Variants in LRRC4C observed in about 807,000 individuals in gnomAD.
LRRC4C encodes the protein leucine rich repeat containing 4C, also known as leucine-rich repeat-containing protein 4C.
LRRC4C carries 5 observed loss-of-function variants against 33.6 expected under a neutral mutation model. That is an observed-to-expected ratio of 0.15 (90% confidence interval 0.08 to 0.31). The LOEUF (loss-of-function observed/expected upper bound fraction) is 0.31. Ranked by LOEUF, LRRC4C falls within the 10% of genes least tolerant of loss-of-function variation. LRRC4C has a pLI of 1.00. For synonymous variants in LRRC4C, 329 were observed against 302.0 expected, an observed-to-expected ratio of 1.09 and a Z score of -0.93; for missense variants, 560 against 796.7, an observed-to-expected ratio of 0.70 and a Z score of 3.58.
chr11:40,619,023 A>C (rs1962166278), intron 3 of LRRC4C, among the ~76,000 whole-genome samples: 2 of 151,778 alleles, frequency 1.3e-5, no homozygotes, highest in Admixed American at 1.3e-4. Flanking sequence ...TTAAGACTTT[A>C]GAGAAATAAA....
intron 3 of LRRC4C, among the ~76,000 whole-genome samples, chr11:40,361,463 T>G (rs1477662028): frequency 3.3e-5 from 5 of 152,154 alleles, no homozygotes; most frequent in African/African-American, 1.2e-4. Context: ...CATTCACAAC[T>G]GCCACAAAAA....
intron 5 of LRRC4C, among the ~76,000 whole-genome samples, chr11:40,173,556 T>G (rs1295034778): frequency 6.6e-6 from 1 of 152,190 alleles, no homozygotes; most frequent in Admixed American, 6.5e-5. Flanking sequence ...CTTGTACTTG[T>G]CTATGCATCC....
intron 2 of LRRC4C, among the ~76,000 whole-genome samples, chr11:40,763,107 T>TATA (rs1949301712): frequency 5.5e-5 from 2 of 36,434 alleles, no homozygotes; most frequent in East Asian, 4.6e-4. Flanking sequence ...ATATATATAT[T>TATA]TATGTATGTG....
At chr11:41,001,397 TC>T (rs1854365296) in intron 1 of LRRC4C, among the ~76,000 whole-genome samples, 1 of 152,176 alleles carries the variant, frequency 6.6e-6, no homozygotes, top group African/African-American at 2.4e-5. Context: ...TGTTCTCTCT[TC>T]TTTCAGTCTA....
chr11:40,494,747 T>C (rs1954341732), intron 3 of LRRC4C, among the ~76,000 whole-genome samples: 1 of 152,196 alleles, frequency 6.6e-6, no homozygotes, highest in Non-Finnish European at 1.5e-5. Context: ...CCTGCTACTT[T>C]TACAATAGTG....
At chr11:41,346,758 A>G (rs946167886) in intron 1 of LRRC4C, among the ~76,000 whole-genome samples, 1 of 152,242 alleles carries the variant, frequency 6.6e-6, no homozygotes, top group East Asian at 1.9e-4. Context: ...TGTTTAACAT[A>G]GCATTCCAAA....
chr11:40,511,182 T>C (rs190007866), intron 3 of LRRC4C, among the ~76,000 whole-genome samples: 2 of 152,284 alleles, frequency 1.3e-5, no homozygotes, highest in Admixed American at 1.3e-4. Context: ...GAATTATAAT[T>C]TGATACACAG....
intron 2 of LRRC4C, among the ~76,000 whole-genome samples, chr11:40,840,733 G>A (rs1370078123): frequency 6.6e-6 from 1 of 152,106 alleles, no homozygotes; most frequent in Non-Finnish European, 1.5e-5. Context: ...AAGATTTAGA[G>A]AGTTTAGAAA....
At chr11:40,956,537 G>A (rs1376922411) in intron 1 of LRRC4C, among the ~76,000 whole-genome samples, 1 of 151,740 alleles carries the variant, frequency 6.6e-6, no homozygotes, top group Admixed American at 6.6e-5. Context: ...TCTGTATAAT[G>A]GGGATAATAT....
intron 3 of LRRC4C, among the ~76,000 whole-genome samples, chr11:40,349,652 G>C (rs1293736939): frequency 6.6e-6 from 1 of 152,140 alleles, no homozygotes; most frequent in Non-Finnish European, 1.5e-5. Context: ...CCTCCATACT[G>C]TTATTTATAG....
At chr11:40,684,917 A>G (rs1203416455) in intron 2 of LRRC4C, among the ~76,000 whole-genome samples, 1 of 152,036 alleles carries the variant, frequency 6.6e-6, no homozygotes, top group Non-Finnish European at 1.5e-5. Context: ...ATATAATAGA[A>G]GAAGATATTT....
At chr11:40,360,960 T>A (rs984096518) in intron 3 of LRRC4C, among the ~76,000 whole-genome samples, 2 of 152,182 alleles carry the variant, frequency 1.3e-5, no homozygotes, top group African/African-American at 2.4e-5. Context: ...AATTAATAAA[T>A]GTGATTCATC....
intron 1 of LRRC4C, among the ~76,000 whole-genome samples, chr11:41,256,889 AT>A (rs1246370509): frequency 1.2e-4 from 18 of 152,176 alleles, no homozygotes; most frequent in Admixed American, 7.2e-4. Flanking sequence ...TACACATTAT[AT>A]ATAAAGCTCC....
intron 2 of LRRC4C, among the ~76,000 whole-genome samples, chr11:40,684,198 G>A (rs938046486): frequency 1.3e-5 from 2 of 151,880 alleles, no homozygotes; most frequent in African/African-American, 4.8e-5. Context: ...CAAAATGTAT[G>A]TTACATATAT....
At chr11:41,107,893 C>A (rs1049435724) in intron 1 of LRRC4C, among the ~76,000 whole-genome samples, 1 of 151,646 alleles carries the variant, frequency 6.6e-6, no homozygotes, top group African/African-American at 2.4e-5. Context: ...GCCGAGATTG[C>A]ACCATTGCAC....
chr11:41,066,258 T>A (rs946621480), intron 1 of LRRC4C, among the ~76,000 whole-genome samples: 2 of 152,132 alleles, frequency 1.3e-5, no homozygotes, highest in Non-Finnish European at 2.9e-5. Flanking sequence ...GCATGAGAAC[T>A]TTGTGGATCA....
chr11:41,117,630 T>G (rs1423028170), intron 1 of LRRC4C, among the ~76,000 whole-genome samples: 1 of 152,180 alleles, frequency 6.6e-6, no homozygotes, highest in Non-Finnish European at 1.5e-5. Context: ...AAATATTTGA[T>G]AGAATAAAAA....
chr11:40,411,335 A>G (rs1662418136), intron 3 of LRRC4C, among the ~76,000 whole-genome samples: 1 of 152,056 alleles, frequency 6.6e-6, no homozygotes, highest in Non-Finnish European at 1.5e-5. Context: ...TTTAATTTGC[A>G]CAGTAATGTT....
chr11:40,901,381 CAT>C (rs1200454680), intron 2 of LRRC4C, among the ~76,000 whole-genome samples: 3 of 152,182 alleles, frequency 2.0e-5, no homozygotes, highest in African/African-American at 7.2e-5. Context: ...TTGGTAAAAA[CAT>C]ATTGATACTC....
Sources: gnomAD v4.1 joint callset for allele counts (sites outside exome capture counted in the v4.1 genomes callset) on GRCh38, gnomAD v4.1.1 for gene constraint, MANE v1.5 for transcripts, NCBI Gene and HGNC (gene_info 2026-07-23, HGNC 2026-07-21) for gene names.